The following RBM19 variants were observed in gnomAD, a reference collection of about 807,000 sequenced individuals.
RBM19 encodes probable RNA-binding protein 19.
Under a neutral mutation model 116.8 loss-of-function variants are expected in RBM19, and 94 were observed. The ratio of observed to expected loss-of-function variants is 0.80; its 90% CI spans 0.68 to 0.95. RBM19 has a LOEUF of 0.95. Among genes scored for constraint, RBM19 ranks in the 40% least tolerant of loss-of-function variants. The pLI is 0.00. For synonymous variants in RBM19, 475 were observed against 494.1 expected (o/e 0.96, Z 0.51); for missense variants, 1,161 against 1,220.7 (o/e 0.95, Z 0.73).
chr12:113,854,371 C>T (rs1157979559), intron 22 of RBM19, among the ~76,000 whole-genome samples: 1 of 152,094 alleles, frequency 6.6e-6, no homozygotes, highest in African/African-American at 2.4e-5. Context: ...AACTGACAGC[C>T]GTGCACACGG....
At chr12:113,938,851 C>T (rs1275090455) in intron 15 of RBM19, among the ~76,000 whole-genome samples, 1 of 152,154 alleles carries the variant, frequency 6.6e-6, no homozygotes, top group African/African-American at 2.4e-5. Flanking sequence ...ATCAGACTCC[C>T]TAGAGCCTTC....
At chr12:113,964,769 CAG>C (rs1374912979) in intron 1 of RBM19, among the ~76,000 whole-genome samples, 3 of 139,966 alleles carry the variant, frequency 2.1e-5, no homozygotes, top group Non-Finnish European at 4.6e-5. Context: ...CTCAAATATA[CAG>C]AGATACATGT....
intron 18 of RBM19, among the ~76,000 whole-genome samples, chr12:113,923,917 T>C (rs1427670501): frequency 6.6e-6 from 1 of 152,264 alleles, no homozygotes; most frequent in East Asian, 1.9e-4. Context: ...GGGGACTGTC[T>C]GAGGAGTAAC....
At chr12:113,962,529 G>A (rs948193439) in intron 1 of RBM19, 115 bp from the exon 2 acceptor site, 12 of 987,218 alleles carry the variant, frequency 1.2e-5, no homozygotes, top group Non-Finnish European at 1.8e-5. Flanking sequence ...TAGATGAAGA[G>A]GGGCAGAGTG....
chr12:113,871,856 C>T (rs560560920), intron 21 of RBM19, among the ~76,000 whole-genome samples: 148 of 152,156 alleles, frequency 9.7e-4, no homozygotes, highest in African/African-American at 3.4e-3. Context: ...GCTGGAGGAG[C>T]GGACGGGCCC....
chr12:113,927,884 G>C (rs772348296), intron 16 of RBM19, among the ~76,000 whole-genome samples: 33 of 152,306 alleles, frequency 2.2e-4, no homozygotes, highest in Middle Eastern at 3.4e-3. Flanking sequence ...GTAAGGTAGA[G>C]TACCACCAAA....
chr12:113,878,338 T>C (rs535605703), intron 21 of RBM19, among the ~76,000 whole-genome samples: 3 of 152,176 alleles, frequency 2.0e-5, no homozygotes, highest in Non-Finnish European at 2.9e-5. Context: ...GGGGCACTTA[T>C]TAGAAGCCGT....
chr12:113,944,867 GTA>G (rs4007281), intron 13 of RBM19, among the ~76,000 whole-genome samples: 79,047 of 148,552 alleles, frequency 0.53, 21,274 homozygotes, highest in East Asian at 0.75. Flanking sequence ...ATATAAAAAT[GTA>G]TATATATATA....
At chr12:113,840,447 C>T (rs1315656729) in intron 23 of RBM19, among the ~76,000 whole-genome samples, 4 of 152,216 alleles carry the variant, frequency 2.6e-5, no homozygotes, top group African/African-American at 4.8e-5. Flanking sequence ...AAAACATAAC[C>T]CCTACCTCTG....
intron 4 of RBM19, 101 bp from the exon 5 acceptor site, chr12:113,959,505 G>A: frequency 1.5e-6 from 2 of 1,294,784 alleles, no homozygotes; most frequent in Non-Finnish European, 2.1e-6. Context: ...TCTTAAGAGG[G>A]TGAGAAGATC....
At chr12:113,938,394 T>C (rs1870256972) in intron 15 of RBM19, among the ~76,000 whole-genome samples, 1 of 151,348 alleles carries the variant, frequency 6.6e-6, no homozygotes. Flanking sequence ...ACCAGCAAAA[T>C]GGGGACATGA....
intron 15 of RBM19, among the ~76,000 whole-genome samples, chr12:113,938,718 AAGAGAAAC>A (rs887610138): frequency 7.2e-5 from 11 of 152,272 alleles, no homozygotes; most frequent in Admixed American, 4.6e-4. Context: ...GTGTCCTTAT[AAGAGAAAC>A]AGGGAGGAAG....
chr12:113,818,818 C>G (rs1217341798), downstream of RBM19, among the ~76,000 whole-genome samples: 3 of 152,172 alleles, frequency 2.0e-5, no homozygotes, highest in Non-Finnish European at 4.4e-5. Flanking sequence ...ACTCCTGTCC[C>G]TCCTCCAGGC....
chr12:113,820,162 A>C (rs1874318724), downstream of RBM19, among the ~76,000 whole-genome samples: 2 of 151,148 alleles, frequency 1.3e-5, no homozygotes. Flanking sequence ...GGGCATCCAA[A>C]CTTTTGGCTT....
chr12:113,902,663 A>G (rs1881775951), intron 21 of RBM19, among the ~76,000 whole-genome samples: 1 of 150,658 alleles, frequency 6.6e-6, no homozygotes, highest in African/African-American at 2.4e-5. Flanking sequence ...TCTTTTCAGG[A>G]TTATTTTTTT....
At chr12:113,856,932 A>G (rs752072342) in intron 22 of RBM19, among the ~76,000 whole-genome samples, 1 of 152,226 alleles carries the variant, frequency 6.6e-6, no homozygotes, top group African/African-American at 2.4e-5. Context: ...CACTTGCCCA[A>G]GGTCACACGG....
intron 21 of RBM19, among the ~76,000 whole-genome samples, chr12:113,872,744 A>T (rs1443739877): frequency 3.6e-5 from 1 of 27,426 alleles, no homozygotes; most frequent in East Asian, 1.2e-3. Flanking sequence ...TCCGGGAGGG[A>T]GGTGGGGGGG....
At chr12:113,896,023 C>T (rs987505924) in intron 21 of RBM19, among the ~76,000 whole-genome samples, 2 of 151,900 alleles carry the variant, frequency 1.3e-5, no homozygotes, top group African/African-American at 4.8e-5. Context: ...AGAGAGAGCT[C>T]ATGTGTGCTG....
chr12:113,918,469 C>G (rs1453923573), intron 19 of RBM19, 22 bp from the exon 20 acceptor site: 2 of 1,612,858 alleles, frequency 1.2e-6, no homozygotes, highest in South Asian at 1.1e-5. Flanking sequence ...GACAACATGG[C>G]TCATCTCTCT....
Sources: allele counts gnomAD v4.1 joint callset (sites outside exome capture counted in the v4.1 genomes callset), GRCh38; gene constraint gnomAD v4.1.1; transcripts MANE v1.5; gene names NCBI Gene and HGNC (gene_info 2026-07-23, HGNC 2026-07-21).